NAALADL2: variants seen among roughly 807,000 people sequenced by gnomAD.
The protein encoded by NAALADL2 is N-acetylated alpha-linked acidic dipeptidase like 2.
Under a neutral mutation model 87.2 loss-of-function variants are expected in NAALADL2, and 76 were observed. That is an observed-to-expected ratio of 0.87 (90% confidence interval 0.72 to 1.05). The LOEUF (loss-of-function observed/expected upper bound fraction) is 1.05. Among genes scored for constraint, NAALADL2 ranks in the 50% least tolerant of loss-of-function variants. The probability of loss-of-function intolerance (pLI) is 0.00; values close to 1 mark genes in which losing one functional copy is unlikely to be tolerated. For synonymous variants in NAALADL2, 354 were observed against 331.0 expected (o/e 1.07, Z -0.75); for missense variants, 1,089 against 945.8 (o/e 1.15, Z -1.99).
chr3:175,266,595 G>T (rs1377272607), intron 4 of NAALADL2, among the ~76,000 whole-genome samples: 1 of 151,546 alleles, frequency 6.6e-6, no homozygotes, highest in Non-Finnish European at 1.5e-5. Context: ...TAGTGTGCTT[G>T]GGCTTCATAA....
chr3:175,692,543 G>A (rs1390253264), intron 11 of NAALADL2, among the ~76,000 whole-genome samples: 2 of 152,124 alleles, frequency 1.3e-5, no homozygotes, highest in African/African-American at 4.8e-5. Flanking sequence ...CCTAGCCATA[G>A]TGATTTTCTT....
chr3:174,681,331 G>A (rs1194303065), intron 2 of NAALADL2, among the ~76,000 whole-genome samples: 1 of 152,152 alleles, frequency 6.6e-6, no homozygotes, highest in Non-Finnish European at 1.5e-5. Flanking sequence ...AGACTTGGGG[G>A]CCACATGACC....
chr3:175,440,760 A>T (rs1339227973), intron 5 of NAALADL2, among the ~76,000 whole-genome samples: 1 of 152,056 alleles, frequency 6.6e-6, no homozygotes, highest in Non-Finnish European at 1.5e-5. Flanking sequence ...TGCTGAATTC[A>T]TTTACCCATT....
At chr3:174,907,172 A>G (rs1486950281) in intron 1 of NAALADL2, among the ~76,000 whole-genome samples, 1 of 152,112 alleles carries the variant, frequency 6.6e-6, no homozygotes, top group Non-Finnish European at 1.5e-5. Flanking sequence ...TACTTAGATC[A>G]AAATCATTGC....
intron 2 of NAALADL2, among the ~76,000 whole-genome samples, chr3:175,216,695 G>T (rs1424497264): frequency 4.2e-5 from 5 of 119,800 alleles, no homozygotes; most frequent in South Asian, 2.7e-4. Flanking sequence ...TTGAGAAGGT[G>T]TCTCGCCCTA....
At chr3:175,275,157 A>G (rs1327915432) in intron 4 of NAALADL2, among the ~76,000 whole-genome samples, 2 of 152,180 alleles carry the variant, frequency 1.3e-5, no homozygotes, top group South Asian at 2.1e-4. Flanking sequence ...CCAGAGTACA[A>G]TGGGGGGTAG....
chr3:174,920,618 G>A (rs1280219844), intron 1 of NAALADL2, among the ~76,000 whole-genome samples: 4 of 152,142 alleles, frequency 2.6e-5, no homozygotes, highest in African/African-American at 7.2e-5. Flanking sequence ...TCAGCAATAC[G>A]GTGGTTTTGC....
chr3:175,066,116 C>T (rs1714495917), intron 1 of NAALADL2, among the ~76,000 whole-genome samples: 1 of 152,140 alleles, frequency 6.6e-6, no homozygotes, highest in South Asian at 2.1e-4. Flanking sequence ...TCTGCAATCA[C>T]TGAAACAGGG....
chr3:175,454,379 C>A (rs1043425886), intron 6 of NAALADL2, among the ~76,000 whole-genome samples: 1 of 152,002 alleles, frequency 6.6e-6, no homozygotes, highest in Non-Finnish European at 1.5e-5. Flanking sequence ...AGATGCCATG[C>A]CCCTGCTCTG....
intron 1 of NAALADL2, among the ~76,000 whole-genome samples, chr3:174,937,368 G>A (rs1737854474): frequency 6.6e-6 from 1 of 152,008 alleles, no homozygotes; most frequent in Admixed American, 6.6e-5. Flanking sequence ...TAGTGATTTA[G>A]GGCTTTTCAG....
At chr3:174,532,595 G>GA (rs1721343571) in intron 1 of NAALADL2, among the ~76,000 whole-genome samples, 2 of 152,142 alleles carry the variant, frequency 1.3e-5, no homozygotes, top group Admixed American at 6.5e-5. Context: ...TAGTGAGGGA[G>GA]AAAAAAATAT....
chr3:174,861,887 A>G (rs1475657339), intron 1 of NAALADL2, among the ~76,000 whole-genome samples: 2 of 147,150 alleles, frequency 1.4e-5, no homozygotes, highest in African/African-American at 2.6e-5. Flanking sequence ...TTCTGGTAGT[A>G]TTGAGAACCC....
chr3:175,737,171 T>TA (rs1369185370), intron 11 of NAALADL2, 135 bp from the exon 12 acceptor site: 1 of 557,836 alleles, frequency 1.8e-6, no homozygotes, highest in Non-Finnish European at 3.1e-6. Flanking sequence ...GAAAAAGAGA[T>TA]TTTATAAAAC....
chr3:175,497,343 C>T (rs1056795061), intron 9 of NAALADL2, among the ~76,000 whole-genome samples: 1 of 152,158 alleles, frequency 6.6e-6, no homozygotes, highest in Non-Finnish European at 1.5e-5. Context: ...TGAATGTAAA[C>T]TTTACTAATC....
At chr3:174,959,932 A>T (rs933791073) in intron 1 of NAALADL2, among the ~76,000 whole-genome samples, 1 of 152,056 alleles carries the variant, frequency 6.6e-6, no homozygotes, top group African/African-American at 2.4e-5. Context: ...AAAGTATCGA[A>T]TTCTTAAAGT....
intron 13 of NAALADL2, 92 bp downstream of exon 13, chr3:175,755,510 G>C: frequency 1.1e-6 from 1 of 902,898 alleles, no homozygotes. Flanking sequence ...GAACATAACA[G>C]TAGTGTAAAA....
chr3:175,613,311 G>T (rs900468055), intron 10 of NAALADL2, among the ~76,000 whole-genome samples: 6 of 152,150 alleles, frequency 3.9e-5, no homozygotes, highest in Non-Finnish European at 1.5e-5. Context: ...TTAGTGAAAT[G>T]ATCCAAAATA....
chr3:174,983,361 A>G (rs1745386810), intron 1 of NAALADL2, among the ~76,000 whole-genome samples: 2 of 152,172 alleles, frequency 1.3e-5, no homozygotes, highest in Non-Finnish European at 2.9e-5. Flanking sequence ...GGCAGGGGAA[A>G]TATTGGCTTG....
At chr3:174,928,078 G>GA (rs569823951) in intron 1 of NAALADL2, among the ~76,000 whole-genome samples, 98 of 152,172 alleles carry the variant, frequency 6.4e-4, no homozygotes, top group African/African-American at 2.2e-3. Flanking sequence ...CAAATAAAGA[G>GA]AAAAAAGTCA....
Sources: gnomAD v4.1 joint callset for allele counts (sites outside exome capture counted in the v4.1 genomes callset) on GRCh38, gnomAD v4.1.1 for gene constraint, MANE v1.5 for transcripts, NCBI Gene and HGNC (gene_info 2026-07-23, HGNC 2026-07-21) for gene names.